The following BCCIP variants were observed in gnomAD, a reference collection of about 807,000 sequenced individuals.
The protein encoded by BCCIP is BRCA2 and CDKN1A interacting protein.
A neutral mutation model predicts 32.8 loss-of-function variants in BCCIP; 23 were observed. The observed-to-expected ratio is 0.70, with a 90% CI of 0.51 to 0.99. The LOEUF (loss-of-function observed/expected upper bound fraction) is 0.99, where lower values mean the gene tolerates loss of function less well. Among genes scored for constraint, BCCIP ranks in the 50% least tolerant of loss-of-function variants. BCCIP has a pLI of 0.00. For missense variants in BCCIP, 378 were observed against 379.8 expected (o/e 1.00, Z 0.04); for synonymous variants, 144 against 137.6 (o/e 1.05, Z -0.33).
exon 7 of BCCIP, chr10:125,842,066 A>G: frequency 8.5e-7 from 1 of 1,173,658 alleles, no homozygotes; most frequent in Non-Finnish European, 1.1e-6. Flanking sequence ...TTTGCAAGCC[A>G]CCAAATACCA....
At chr10:125,836,022 G>A (rs1226702628) in intron 6 of BCCIP, 82 bp from the exon 7 acceptor site, 9 of 1,274,308 alleles carry the variant, frequency 7.1e-6, no homozygotes, top group South Asian at 2.7e-5. Context: ...TATGCCAAAC[G>A]TAATATTCTT....
At chr10:125,841,717 A>T in exon 7 of BCCIP, 1 of 1,592,000 alleles carries the variant, frequency 6.3e-7, no homozygotes, top group Non-Finnish European at 8.5e-7. Context: ...TTGCAAAAAA[A>T]GAAAAGGAAT....
chr10:125,849,242 T>C (rs1323894828), intron 7 of BCCIP, among the ~76,000 whole-genome samples: 1 of 152,244 alleles, frequency 6.6e-6, no homozygotes. Flanking sequence ...CACAGCCATC[T>C]TTCCGCCTGC....
chr10:125,839,042 G>C, downstream of BCCIP: 1 of 1,614,142 alleles, frequency 6.2e-7, no homozygotes, highest in Non-Finnish European at 8.5e-7. Context: ...TTTATGTTTA[G>C]AGTGTTTTCC....
chr10:125,842,045 T>C, exon 7 of BCCIP: 1 of 1,331,460 alleles, frequency 7.5e-7, no homozygotes. Context: ...ACAAAATATG[T>C]GAAACAACGG....
chr10:125,823,635 G>A lies in BCCIP; in HGVS notation c.78G>A (p.Glu26=), dbSNP rs1425752396. Residue 26 remains glutamate (E), a synonymous_variant, in exon 1 of 7, where the codon GAG becomes GAA. Coordinates refer to ENST00000278100, the MANE Select transcript of BCCIP (RefSeq NM_078468.3). ...CGGATCCCCCAGTCCAGCGCGACGA[G>A]GAAGAGGAAAAAGAAGTCGAAAATG... The part of the protein sequence containing the change: ...QPPDPPVQRD[E]EEEKEVENED... The A allele has an allele frequency of 3.1e-6, 5 of 1,614,146 alleles. No homozygotes were observed. The highest frequency in any genetic ancestry group is 4.2e-6 in the Non-Finnish European group (5 of 1,180,032).
chr10:125,848,621 C>G (rs1221904473), intron 7 of BCCIP, among the ~76,000 whole-genome samples: 1 of 152,188 alleles, frequency 6.6e-6, no homozygotes, highest in African/African-American at 2.4e-5. Context: ...ATGGCTCTTC[C>G]TGGCTCCGGC....
chr10:125,852,482 A>G (rs747865883), intron 7 of BCCIP: 26 of 1,613,450 alleles, frequency 1.6e-5, no homozygotes, highest in Non-Finnish European at 2.2e-5. Context: ...TGGCTTTAAT[A>G]TTTCTGGGTT....
intron 7 of BCCIP, among the ~76,000 whole-genome samples, chr10:125,847,977 A>G (rs1944044713): frequency 6.6e-6 from 1 of 152,234 alleles, no homozygotes; most frequent in Non-Finnish European, 1.5e-5. Flanking sequence ...CTAACAGGCC[A>G]CGAACTGGTA....
At chr10:125,840,745 G>A, downstream of BCCIP, 2 of 1,352,900 alleles carry the variant, frequency 1.5e-6, no homozygotes, top group Non-Finnish European at 2.0e-6. Flanking sequence ...CAAGTGGCCA[G>A]TAGGGCTGGC....
At chr10:125,824,233 C>T (rs1185566590) in intron 1 of BCCIP, among the ~76,000 whole-genome samples, 1 of 152,218 alleles carries the variant, frequency 6.6e-6, no homozygotes, top group East Asian at 1.9e-4. Flanking sequence ...TTTTCTGGCT[C>T]CTGGGGCAGC....
intron 7 of BCCIP, among the ~76,000 whole-genome samples, chr10:125,851,867 G>A (rs2134043449): frequency 7.0e-6 from 1 of 142,968 alleles, no homozygotes; most frequent in Middle Eastern, 4.0e-3. Flanking sequence ...GTTGCAGTGA[G>A]CTATGATCAC....
downstream of BCCIP, chr10:125,838,117 G>C: frequency 1.6e-6 from 2 of 1,271,986 alleles, no homozygotes; most frequent in Non-Finnish European, 2.1e-6. Flanking sequence ...ATAAACTTTA[G>C]AACTAAGAAT....
exon 7 of BCCIP, chr10:125,841,785 C>G (rs768381279): frequency 1.2e-6 from 2 of 1,613,234 alleles, no homozygotes; most frequent in South Asian, 2.2e-5. Context: ...TCTACACAGT[C>G]AAATTCACAG....
At position 125,827,739 on chromosome 10, in the gene BCCIP, G is replaced by T. The variant is rs1854432515; in HGVS notation, c.321+101G>T. ...AATCCCAGCACTTTGGGAAGCAAAG[G>T]TGGGAGGATTGCTTGAGGCCAGGAG... On this transcript the variant is annotated intron_variant, in intron 3 of 6. Coordinates refer to ENST00000278100, the MANE Select transcript of BCCIP (RefSeq NM_078468.3). 7.0e-6 allele frequency: 6 copies of T among 860,152 alleles called. No homozygotes were observed. In the South Asian group the frequency reaches 9.7e-5, roughly 14 times the overall value. 53.3% of individuals were successfully genotyped at this position (860,152 alleles called of 1,614,324 possible).
chr10:125,825,067 G>A (rs1590048064), intron 1 of BCCIP, among the ~76,000 whole-genome samples: 1 of 152,238 alleles, frequency 6.6e-6, no homozygotes, highest in Non-Finnish European at 1.5e-5. Flanking sequence ...TTTTCACTTA[G>A]AACTTTGACT....
chr10:125,825,039 T>C (rs1854345718), intron 1 of BCCIP, among the ~76,000 whole-genome samples: 1 of 152,282 alleles, frequency 6.6e-6, no homozygotes, highest in Non-Finnish European at 1.5e-5. Context: ...CTCTATGCCT[T>C]GAATGCCATC....
Position 125,836,533 on chromosome 10 carries a change from A to G in BCCIP, c.*259A>G. The G allele has an allele frequency of 7.5e-7, 1 of 1,335,762 alleles. No homozygotes were observed. The highest frequency in any genetic ancestry group is 2.6e-5 in the East Asian group (1 of 38,360). The allele number at this position is 1,335,762 out of a possible 1,614,324, so 82.7% of individuals were successfully genotyped here. On this transcript the variant is annotated 3_prime_UTR_variant, in exon 7 of 7. Transcript: ENST00000278100. ...TTTAAAGAACTCAATAAAAACTTCT[A>G]TTTTTTATTTTAAAATAATATACAC...
intron 7 of BCCIP, chr10:125,852,156 A>G (rs1230349997): frequency 9.2e-7 from 1 of 1,082,390 alleles, no homozygotes; most frequent in East Asian, 2.6e-5. Flanking sequence ...CTCTAGCAGG[A>G]AAATGCTTCA....
Sources: gnomAD v4.1 joint callset for allele counts (sites outside exome capture counted in the v4.1 genomes callset) on GRCh38, gnomAD v4.1.1 for gene constraint, MANE v1.5 for transcripts, NCBI Gene and HGNC (gene_info 2026-07-23, HGNC 2026-07-21) for gene names.